The following DNAH8 variants were observed in gnomAD, a reference collection of about 807,000 sequenced individuals.
The protein encoded by DNAH8 is axonemal beta dynein heavy chain 8.
DNAH8 carries 382 observed loss-of-function variants against 562.1 expected under a neutral mutation model. That is an observed-to-expected ratio of 0.68 (90% confidence interval 0.63 to 0.74). The LOEUF (loss-of-function observed/expected upper bound fraction) is 0.74. DNAH8 is among the 30% of genes least tolerant of loss of function. The pLI is 0.00. For missense variants in DNAH8, 5,203 were observed against 5,620.4 expected (o/e 0.93, Z 2.37); for synonymous variants, 1,881 against 1,919.4 (o/e 0.98, Z 0.52).
chr6:38,761,400 T>C (rs1295675001), intron 10 of DNAH8, among the ~76,000 whole-genome samples: 4 of 151,334 alleles, frequency 2.6e-5, no homozygotes, highest in Non-Finnish European at 1.5e-5. Context: ...AGAATTTGTT[T>C]TAAAATTCTG....
At chr6:38,735,458 G>C (rs2127579511) in intron 5 of DNAH8, among the ~76,000 whole-genome samples, 1 of 152,240 alleles carries the variant, frequency 6.6e-6, no homozygotes, top group East Asian at 1.9e-4. Flanking sequence ...GATGATGAGA[G>C]CACTCCTGTT....
chr6:38,886,675 C>A (rs527814926), intron 56 of DNAH8, 116 bp from the exon 57 acceptor site: 1 of 826,578 alleles, frequency 1.2e-6, no homozygotes, highest in Non-Finnish European at 1.9e-6. Context: ...CATTCACAAA[C>A]ACTTCATTGA....
intron 91 of DNAH8, among the ~76,000 whole-genome samples, chr6:39,024,113 T>C (rs1178526937): frequency 6.6e-6 from 1 of 152,266 alleles, no homozygotes; most frequent in African/African-American, 2.4e-5. Flanking sequence ...AATCCAGCTC[T>C]ATCCTCCTCT....
chr6:38,741,831 C>T lies in DNAH8; in HGVS notation c.1237C>T (p.Pro413Ser). 6.2e-7 allele frequency: 1 copy of T among 1,614,010 alleles called. No homozygotes were observed. The highest frequency in any genetic ancestry group is 8.5e-7 in the Non-Finnish European group (1 of 1,179,934). Residue 413 changes from proline to serine, a missense_variant, in exon 8 of 93, where the codon CCA (proline) becomes TCA (serine). Coordinates refer to ENST00000327475, the MANE Select transcript of DNAH8 (RefSeq NM_001206927.2). The stretch of plus-strand genomic sequence containing the variant: ...CTATATCATTGAGCAGATTAAAGGG[C>T]CAAGTTGTAAGGCTGTCATAAATGT... ...FNYIIEQIKG[P>S]SCKAVINVLN...
rs747884039 is a variant in DNAH8 at position 38,938,126 on chromosome 6, A to G, written c.11716A>G (p.Ser3906Gly). Residue 3906 changes from serine to glycine, a missense_variant, in exon 78 of 93, where the codon AGC becomes GGC. Physicochemically the swap from Ser to Gly is moderately conservative, Grantham distance 56 (BLOSUM62 0). Transcript: ENST00000327475. ...EEFRPAATRG[S>G]ILYFLITEMS... Reference sequence around the variant, plus strand: ...GTTCCGGCCCGCAGCCACCCGCGGAAGCATCCTCTACTTCCTCATCACAGA... The same window carrying G: ...GTTCCGGCCCGCAGCCACCCGCGGAGGCATCCTCTACTTCCTCATCACAGA... 6.2e-7 allele frequency: 1 copy of G among 1,614,102 alleles called. No homozygotes were observed. Among genetic ancestry groups the G allele is most frequent in the Non-Finnish European group, 8.5e-7 (1 of 1,180,008 alleles).
At chr6:39,002,890 A>C (rs1765577362) in intron 88 of DNAH8, among the ~76,000 whole-genome samples, 1 of 152,186 alleles carries the variant, frequency 6.6e-6, no homozygotes, top group Non-Finnish European at 1.5e-5. Context: ...CTGTATGTGA[A>C]GCATGACACC....
chr6:38,867,197 G>A (rs958687122), intron 47 of DNAH8, among the ~76,000 whole-genome samples: 4 of 150,990 alleles, frequency 2.6e-5, no homozygotes, highest in Admixed American at 2.0e-4. Flanking sequence ...AGAGTTTAAG[G>A]TTTCATCAGT....
At position 39,030,073 on chromosome 6, in the gene DNAH8, A is replaced by G. The variant is rs1359742432; in HGVS notation, c.13837-32A>G. 6 of 1,566,766 alleles carry G rather than the reference A, an allele frequency of 3.8e-6. No homozygotes were observed. In the African/African-American group the frequency reaches 4.1e-5, roughly 11 times the overall value. Reference sequence around the variant, plus strand: ...TTTTGCAGCACCTAGTTTAAAAAATAAATCCTATTACCTTATGCTTGACTC... The same window carrying G: ...TTTTGCAGCACCTAGTTTAAAAAATGAATCCTATTACCTTATGCTTGACTC... On this transcript the variant is annotated intron_variant, in intron 92 of 92. Transcript: ENST00000327475.
chr6:38,954,201 C>T (rs1025323803), intron 82 of DNAH8, among the ~76,000 whole-genome samples: 2 of 152,016 alleles, frequency 1.3e-5, no homozygotes, highest in Non-Finnish European at 2.9e-5. Context: ...GGGTTTAGCA[C>T]GAGAGCCTTT....
intron 62 of DNAH8, among the ~76,000 whole-genome samples, chr6:38,905,364 A>C (rs1371880986): frequency 6.6e-6 from 1 of 152,236 alleles, no homozygotes; most frequent in Admixed American, 6.5e-5. Context: ...TGAACCAAAA[A>C]ACAAAGACCA....
intron 3 of DNAH8, among the ~76,000 whole-genome samples, chr6:38,726,108 C>T (rs908373044): frequency 1.3e-5 from 2 of 152,150 alleles, no homozygotes; most frequent in African/African-American, 2.4e-5. Context: ...AGGCCTGTCC[C>T]GAGGATCAGT....
intron 11 of DNAH8, among the ~76,000 whole-genome samples, chr6:38,765,966 A>C (rs1051127152): frequency 1.3e-5 from 2 of 152,184 alleles, no homozygotes; most frequent in African/African-American, 4.8e-5. Flanking sequence ...TTTCTGGGTA[A>C]ATATTTAAAG....
At chr6:39,028,287 G>T (rs1767427840) in intron 92 of DNAH8, among the ~76,000 whole-genome samples, 1 of 152,156 alleles carries the variant, frequency 6.6e-6, no homozygotes, top group Non-Finnish European at 1.5e-5. Context: ...CATTACCTTG[G>T]GTGGCTAAAA....
intron 48 of DNAH8, among the ~76,000 whole-genome samples, chr6:38,869,898 A>G (rs1258784517): frequency 1.3e-5 from 2 of 152,230 alleles, no homozygotes; most frequent in Non-Finnish European, 1.5e-5. Context: ...TGGTGATTGT[A>G]TTAGTCTGTT....
chr6:38,892,353 T>A (rs1008014033), intron 58 of DNAH8, among the ~76,000 whole-genome samples: 7 of 152,198 alleles, frequency 4.6e-5, no homozygotes, highest in African/African-American at 1.7e-4. Context: ...CTGATACTCA[T>A]CTCAAAGTTA....
At chr6:38,728,030 A>G (rs968666961) in intron 3 of DNAH8, among the ~76,000 whole-genome samples, 1 of 152,068 alleles carries the variant, frequency 6.6e-6, no homozygotes, top group African/African-American at 2.4e-5. Context: ...CAGTGGTATG[A>G]TTACAGCTCA....
intron 84 of DNAH8, 114 bp downstream of exon 84, chr6:38,973,927 C>T (rs1763506960): frequency 1.4e-6 from 1 of 717,718 alleles, no homozygotes; most frequent in Non-Finnish European, 2.2e-6. Context: ...GTCTGGACTG[C>T]AAGATCTTAT....
intron 76 of DNAH8, among the ~76,000 whole-genome samples, chr6:38,932,216 A>ACACACC (rs375631180): frequency 6.9e-4 from 101 of 145,740 alleles, no homozygotes; most frequent in African/African-American, 2.5e-3. Context: ...ACACACACAC[A>ACACACC]CCCGTCTCTT....
Position 38,741,732 on chromosome 6 carries a change from A to T in DNAH8, c.1138A>T (p.Met380Leu). 6.2e-7 allele frequency: 1 copy of T among 1,613,376 alleles called. No individual in the cohort carries two copies. The highest frequency in any genetic ancestry group is 1.1e-5 in the South Asian group (1 of 90,838). ...GCAGGTACTTATTGAGAGTGAGCAG[A>T]TGAGAAAAGAAGCTGGTGATTCAGG... is the stretch of plus-strand genomic sequence containing the variant. ...IEQVLIESEQ[M>L]RKEAGDSGPL... Residue 380 changes from methionine (M) to leucine (L), a missense_variant, in exon 8 of 93, where the codon ATG becomes TTG. Transcript: ENST00000327475.
Sources: gnomAD v4.1 joint callset for allele counts (sites outside exome capture counted in the v4.1 genomes callset) on GRCh38, gnomAD v4.1.1 for gene constraint, MANE v1.5 for transcripts, NCBI Gene and HGNC (gene_info 2026-07-23, HGNC 2026-07-21) for gene names.